Variants in EDAR observed in about 807,000 individuals in gnomAD.
EDAR encodes the protein ectodysplasin A receptor.
In EDAR, 38 loss-of-function variants were observed where a neutral mutation model predicts 51.3. That is an observed-to-expected ratio of 0.74 (90% CI 0.57 to 0.97). The LOEUF (loss-of-function observed/expected upper bound fraction) is 0.97. Ranked by LOEUF, EDAR falls within the 50% of genes least tolerant of loss-of-function variation. EDAR has a pLI of 0.00. For missense variants in EDAR, 528 were observed against 595.0 expected, an observed-to-expected ratio of 0.89 and a Z score of 1.17; for synonymous variants, 227 against 242.1, an observed-to-expected ratio of 0.94 and a Z score of 0.58.
Position 108,974,186 on chromosome 2 carries a change from T to C in EDAR, c.-19+14774A>G, listed in dbSNP as rs1022676198. 4.0e-5 allele frequency among the ~76,000 whole-genome samples: 6 copies of C among 151,214 alleles called. No individual in the cohort carries two copies. The South Asian group carries it at 8.4e-4, about 21-fold the overall frequency. ...CTACTAAAAAATACAAAAAATTAGC[T>C]GGGCGTGGTGGCAGGCGCCTGTAGT... is the stretch of plus-strand genomic sequence containing the variant. On this transcript the variant is annotated intron_variant, in intron 1 of 11. Transcript: ENST00000258443.
rs144293803 is a variant in EDAR, at chr2:108,954,998, A to G, written c.-18-23966T>C. On this transcript the variant is annotated intron_variant, in intron 1 of 11. Coordinates refer to ENST00000258443, the MANE Select transcript of EDAR (RefSeq NM_022336.4). Reference sequence around the variant, plus strand: ...CAGACCTGGCCGGGAAGATAATCTTACACAGGAACTCCCACCAGGCTATGA... The same window carrying G: ...CAGACCTGGCCGGGAAGATAATCTTGCACAGGAACTCCCACCAGGCTATGA... Among the ~76,000 whole-genome samples the G allele has an allele frequency of 7.8e-3, 1,191 of 152,206 alleles. 9 individuals are homozygous for G. The highest frequency in any genetic ancestry group is 0.029 in the South Asian group (138 of 4,796).
rs537679494 is a variant in EDAR, at chr2:108,917,705, G to C, written c.443-4941C>G. On this transcript the variant is annotated intron_variant, in intron 5 of 11. Transcript: ENST00000258443. ...TCCCTGGCTGCAGGGCTGACCTCATGAGGGTGAGGTCAGCCCCCCACACAA... is the reference window on the plus strand; with the variant it reads ...TCCCTGGCTGCAGGGCTGACCTCATCAGGGTGAGGTCAGCCCCCCACACAA... Among the ~76,000 whole-genome samples, 860 of 152,204 alleles carry C rather than the reference G, an allele frequency of 5.7e-3. 5 individuals carry two copies. The highest frequency in any genetic ancestry group is 0.02 in the African/African-American group (822 of 41,520).
At chr2:108,950,365 C>CTCA (rs1233439781) in intron 1 of EDAR, among the ~76,000 whole-genome samples, 5 of 152,072 alleles carry the variant, frequency 3.3e-5, no homozygotes, top group Admixed American at 3.3e-4. Flanking sequence ...ATCCTCCCGC[C>CTCA]TCAGCCTCAA....
chr2:108,930,208 G>A lies in EDAR; in HGVS notation c.86C>T (p.Ser29Leu). The part of the protein sequence containing the change: ...SLMCSARAEY[S>L]NCGENEYYNQ... ...GTAGTACTCGTTCTCACCGCAGTTT[G>A]AGTATTCCGCTCGGGCTGAGCACAT... is the stretch of plus-strand genomic sequence containing the variant. Residue 29 changes from serine (S) to leucine (L), a missense_variant, in exon 3 of 12, where the codon TCA becomes TTA. Physicochemically the swap from Ser to Leu is moderately radical, Grantham distance 145. Coordinates refer to ENST00000258443, the MANE Select transcript of EDAR (RefSeq NM_022336.4). 6.2e-7 allele frequency: 1 copy of A among 1,614,148 alleles called. No individual in the cohort carries two copies. Among genetic ancestry groups the A allele is most frequent in the Non-Finnish European group, 8.5e-7 (1 of 1,180,036 alleles).
intron 1 of EDAR, among the ~76,000 whole-genome samples, chr2:108,976,061 T>G (rs1056527807): frequency 1.3e-5 from 2 of 152,240 alleles, no homozygotes; most frequent in African/African-American, 4.8e-5. Flanking sequence ...GAACAAATAC[T>G]GGTGCAATAC....
rs986100696 is a variant in EDAR at position 108,913,034 on chromosome 2, T to C, written c.443-270A>G. ...CGTGATCTCGGCTCACTGCAAGCTC[T>C]GCCTCCCTGGTTGACGCCATTCTCC... On this transcript the variant is annotated intron_variant, in intron 5 of 11. Transcript: ENST00000258443. Among the ~76,000 whole-genome samples the C allele has an allele frequency of 2.6e-5, 4 of 151,590 alleles. No homozygotes were observed. In the South Asian group the frequency reaches 6.3e-4, roughly 24 times the overall value.
intron 1 of EDAR, among the ~76,000 whole-genome samples, chr2:108,963,008 G>T (rs1292558536): frequency 6.6e-6 from 1 of 152,146 alleles, no homozygotes; most frequent in Non-Finnish European, 1.5e-5. Context: ...AGGGACATCT[G>T]CACCAGCGAT....
In EDAR at chr2:108,930,983, G is replaced by T; in HGVS notation, c.32C>A (p.Pro11His). 1 of 1,613,996 alleles carries T rather than the reference G, an allele frequency of 6.2e-7. No individual in the cohort carries two copies. The highest frequency in any genetic ancestry group is 1.1e-5 in the South Asian group (1 of 91,086). ...ACTTACCACCAGGACGGGGAGCCAG[G>T]GCGTCTGCGTGCAGTCCCCCACATG... MAHVGDCTQT[P>H]WLPVLVVSLM... The change falls in exon 2 of 12, where the codon CCC (proline) becomes CAC (histidine). Residue 11 changes from proline to histidine, a missense_variant. By Grantham distance (77) the Pro-to-His change is moderately conservative. Transcript: ENST00000258443.
At chr2:108,980,904 C>G (rs1698408372) in intron 1 of EDAR, among the ~76,000 whole-genome samples, 2 of 152,050 alleles carry the variant, frequency 1.3e-5, no homozygotes, top group African/African-American at 4.8e-5. Context: ...ACTGCAGGGT[C>G]CTCATGGTGT....
chr2:108,910,220 T>C (rs1345249813), intron 9 of EDAR, among the ~76,000 whole-genome samples: 1 of 152,134 alleles, frequency 6.6e-6, no homozygotes, highest in East Asian at 1.9e-4. Flanking sequence ...GCCCAGGGAA[T>C]TTGGCAGGAT....
chr2:108,974,501 G>C (rs7560650), intron 1 of EDAR, among the ~76,000 whole-genome samples: 11 of 151,872 alleles, frequency 7.2e-5, no homozygotes, highest in South Asian at 2.1e-4. Context: ...GGAGGCCAAG[G>C]GGGGTGGATC....
At chr2:108,923,500 C>A (rs972038870) in intron 4 of EDAR, 47 bp from the exon 5 acceptor site, 1 of 1,579,726 alleles carries the variant, frequency 6.3e-7, no homozygotes, top group Non-Finnish European at 8.7e-7. Context: ...AGCTGGACAG[C>A]ACACAGGCAG....
intron 1 of EDAR, among the ~76,000 whole-genome samples, chr2:108,957,724 G>A (rs1201515931): frequency 6.6e-6 from 1 of 152,240 alleles, no homozygotes; most frequent in East Asian, 1.9e-4. Context: ...GCTAGTGGAG[G>A]TGAGAAGCCT....
Position 108,910,973 on chromosome 2 carries a change from A to G in EDAR, c.629T>C (p.Ile210Thr). Reference sequence around the variant, plus strand: ...TGGGGCAGAGGGCTTTGTCTTCAGGATGTAGAACATGATGATGAGGACGAT... The same window carrying G: ...TGGGGCAGAGGGCTTTGTCTTCAGGGTGTAGAACATGATGATGAGGACGAT... ...IAIVLIIMFY[I>T]LKTKPSAPAC... The change falls in exon 7 of 12, where the codon ATC becomes ACC. Residue 210 changes from isoleucine (I) to threonine (T), a missense_variant. Coordinates refer to ENST00000258443, the MANE Select transcript of EDAR (RefSeq NM_022336.4). 6.2e-7 allele frequency: 1 copy of G among 1,614,092 alleles called. No homozygotes were observed. Among genetic ancestry groups the G allele is most frequent in the Admixed American group, 1.7e-5 (1 of 60,018 alleles).
chr2:108,961,741 T>C lies in EDAR; in HGVS notation c.-19+27219A>G, dbSNP rs1349363455. On this transcript the variant is annotated intron_variant, in intron 1 of 11. Transcript: ENST00000258443. ...TGCGGAAAAGCCTGGGGAGGCTTCCTGGAAGAGGTGAGAAGTGATCAGCCC... is the reference window on the plus strand; with the variant it reads ...TGCGGAAAAGCCTGGGGAGGCTTCCCGGAAGAGGTGAGAAGTGATCAGCCC... Among the ~76,000 whole-genome samples the C allele has an allele frequency of 2.6e-5, 4 of 152,238 alleles. No individual in the cohort carries two copies. The East Asian group carries it at 7.7e-4, about 29-fold the overall frequency.
chr2:108,979,669 C>A (rs1021680309), intron 1 of EDAR, among the ~76,000 whole-genome samples: 39 of 152,092 alleles, frequency 2.6e-4, no homozygotes, highest in Non-Finnish European at 5.3e-4. Context: ...TCAGATTAAT[C>A]ATGAAGGATG....
At chr2:108,911,459 A>G (rs957418187) in intron 6 of EDAR, among the ~76,000 whole-genome samples, 1 of 152,204 alleles carries the variant, frequency 6.6e-6, no homozygotes, top group Non-Finnish European at 1.5e-5. Context: ...TCCAAACAAA[A>G]GTCAGGATGC....
Position 108,972,646 on chromosome 2 carries a change from C to G in EDAR, c.-19+16314G>C, listed in dbSNP as rs141795097. Among the ~76,000 whole-genome samples the G allele has an allele frequency of 3.3e-4, 51 of 152,382 alleles. 3 individuals are homozygous for G. The East Asian group carries it at 9.8e-3, about 29-fold the overall frequency. On this transcript the variant is annotated intron_variant, in intron 1 of 11. Transcript: ENST00000258443. ...AAGGGTGACGGGTGTCTTCCCCACT[C>G]TGCTTGCCTTGTAGCTATGGCTGTG...
In EDAR at chr2:108,931,045, C is replaced by A. The variant is rs931028915; in HGVS notation, c.-18-13G>T. On this transcript the variant is annotated splice_polypyrimidine_tract_variant and intron_variant, in intron 1 of 11. Transcript: ENST00000258443. ...CCCAAGGGCTCACCTGAAAGACATGCGTCATTAGCTGGGCACTGGCGGTAG... is the reference window on the plus strand; with the variant it reads ...CCCAAGGGCTCACCTGAAAGACATGAGTCATTAGCTGGGCACTGGCGGTAG... The A allele has an allele frequency of 6.2e-7, 1 of 1,612,784 alleles. No homozygotes were observed. The highest frequency in any genetic ancestry group is 1.3e-5 in the African/African-American group (1 of 74,916).
Sources: allele counts gnomAD v4.1 joint callset (sites outside exome capture counted in the v4.1 genomes callset), GRCh38; gene constraint gnomAD v4.1.1; transcripts MANE v1.5; gene names NCBI Gene and HGNC (gene_info 2026-07-23, HGNC 2026-07-21).